The following HVCN1 variants were observed in gnomAD, a reference collection of about 807,000 sequenced individuals.
HVCN1 encodes hydrogen voltage gated channel 1.
In HVCN1, 14 loss-of-function variants were observed where a neutral mutation model predicts 29.2. That is an observed-to-expected ratio of 0.48 (90% confidence interval 0.32 to 0.75). The LOEUF (loss-of-function observed/expected upper bound fraction) is 0.75. Among genes scored for constraint, HVCN1 ranks in the 30% least tolerant of loss-of-function variants. The probability of loss-of-function intolerance (pLI) is 0.04; values close to 1 mark genes in which losing one functional copy is unlikely to be tolerated. For missense variants in HVCN1, 263 were observed against 341.8 expected, an observed-to-expected ratio of 0.77 and a Z score of 1.82; for synonymous variants, 131 against 133.2, an observed-to-expected ratio of 0.98 and a Z score of 0.11.
chr12:110,652,443 C>T (rs953176769), intron 5 of HVCN1, among the ~76,000 whole-genome samples: 11 of 151,988 alleles, frequency 7.2e-5, no homozygotes, highest in African/African-American at 1.5e-4. Flanking sequence ...TAACCATTTC[C>T]AGATCTGAGG....
chr12:110,649,170 T>G lies in HVCN1; in HGVS notation c.*240A>C. 1 of 680,422 alleles carries G rather than the reference T, an allele frequency of 1.5e-6. No homozygotes were observed. The highest frequency in any genetic ancestry group is 2.7e-6 in the Non-Finnish European group (1 of 376,608). 42.1% of individuals were successfully genotyped at this position (680,422 alleles called of 1,614,324 possible). ...TGCTCATTTTCAATTAAGGCTAAAG[T>G]GTTCAACATGAGAAAATGTGATACA... On this transcript the variant is annotated 3_prime_UTR_variant, in exon 8 of 8. Coordinates refer to ENST00000242607, the MANE Select transcript of HVCN1 (RefSeq NM_032369.4).
At chr12:110,670,278 T>G (rs185999704) in intron 3 of HVCN1, among the ~76,000 whole-genome samples, 62 of 152,302 alleles carry the variant, frequency 4.1e-4, no homozygotes, top group Admixed American at 1.6e-3. Context: ...CATTGTTATC[T>G]GACAATCGGA....
upstream of HVCN1, among the ~76,000 whole-genome samples, chr12:110,691,265 G>T (rs1041135240): frequency 6.6e-6 from 1 of 151,588 alleles, no homozygotes; most frequent in Non-Finnish European, 1.5e-5. Context: ...GGGTTTCACC[G>T]TGTTAACCAG....
chr12:110,663,069 T>C (rs1025547301), intron 3 of HVCN1, among the ~76,000 whole-genome samples: 1 of 152,132 alleles, frequency 6.6e-6, no homozygotes, highest in Non-Finnish European at 1.5e-5. Flanking sequence ...TTGGCAAGTG[T>C]CTTAAAGTCT....
chr12:110,675,541 T>G (rs2068724076), intron 3 of HVCN1, among the ~76,000 whole-genome samples: 1 of 152,226 alleles, frequency 6.6e-6, no homozygotes, highest in Non-Finnish European at 1.5e-5. Flanking sequence ...GCTAGCTTTG[T>G]TCTTTTCTCT....
intron 2 of HVCN1, among the ~76,000 whole-genome samples, chr12:110,702,031 G>A (rs913843156): frequency 8.1e-5 from 12 of 148,410 alleles, no homozygotes; most frequent in Admixed American, 4.0e-4. Flanking sequence ...CTGCAACCTC[G>A]CCTCCCGGGT....
chr12:110,655,278 C>G lies in HVCN1; in HGVS notation c.367G>C (p.Asp123His). 3 of 1,613,838 alleles carry G rather than the reference C, an allele frequency of 1.9e-6. No homozygotes were observed. The highest frequency in any genetic ancestry group is 2.5e-6 in the Non-Finnish European group (3 of 1,179,950). The stretch of plus-strand genomic sequence containing the variant: ...TTGTCGGGCTGGATGATCTTCAGGT[C>G]CAGGATGAGCTCAGCAAGCACCAGG... ...ALLVLAELIL[D>H]LKIIQPDKNN... Residue 123 changes from aspartate (D) to histidine (H), a missense_variant, in exon 5 of 8, where the codon GAC (aspartate) becomes CAC (histidine). Physicochemically the swap from Asp to His is moderately conservative, Grantham distance 81. This residue lies in a region of HVCN1 where 157 missense variants were observed against 181.3 expected (regional missense o/e 0.87). Coordinates refer to ENST00000242607, the MANE Select transcript of HVCN1 (RefSeq NM_032369.4).
At chr12:110,692,925 G>T (rs1009615904), upstream of HVCN1, among the ~76,000 whole-genome samples, 49 of 152,216 alleles carry the variant, frequency 3.2e-4, no homozygotes, top group African/African-American at 1.2e-3. Context: ...GAATGCAGTG[G>T]CTCGAGCACA....
In HVCN1 at chr12:110,649,520, C is replaced by T. The variant is rs371157846; in HGVS notation, c.757-45G>A. 2.2e-4 allele frequency: 311 copies of T among 1,416,382 alleles called. 4 individuals are homozygous for T. In the South Asian group the frequency reaches 3.5e-3, roughly 16 times the overall value. 87.7% of individuals were successfully genotyped at this position (1,416,382 alleles called of 1,614,324 possible). A position where few individuals can be genotyped will look rare whatever the true frequency, so the allele number is the denominator to read the frequency against. ...ACACTGGAATTTACTTTGAGCCTCGCCAGGGATGTGACAATCAATCATTCA... is the reference window on the plus strand; with the variant it reads ...ACACTGGAATTTACTTTGAGCCTCGTCAGGGATGTGACAATCAATCATTCA... On this transcript the variant is annotated intron_variant, in intron 7 of 7. Transcript: ENST00000242607.
At chr12:110,698,298 C>G (rs1305621719) in intron 2 of HVCN1, among the ~76,000 whole-genome samples, 5 of 152,222 alleles carry the variant, frequency 3.3e-5, no homozygotes, top group Admixed American at 6.5e-5. Flanking sequence ...CTATGCCCAG[C>G]CTTTCCTGTC....
upstream of HVCN1, among the ~76,000 whole-genome samples, chr12:110,691,219 C>A (rs145379881): frequency 6.6e-6 from 1 of 152,096 alleles, no homozygotes; most frequent in African/African-American, 2.4e-5. Flanking sequence ...CCCGCCACCA[C>A]GCTCGGTTAA....
At position 110,648,856 on chromosome 12, in the gene HVCN1, A is replaced by G; in HGVS notation, c.*554T>C. 2.7e-6 allele frequency: 1 copy of G among 373,184 alleles called. No individual in the cohort carries two copies. The allele number at this position is 373,184 out of a possible 1,614,324, so 23.1% of individuals were successfully genotyped here. On this transcript the variant is annotated 3_prime_UTR_variant, in exon 8 of 8. Coordinates refer to ENST00000242607, the MANE Select transcript of HVCN1 (RefSeq NM_032369.4). ...GTAGTTGTACAGTAATTGAGGAAAA[A>G]TGTTGTCAGGTGGCAGAAAACAATG...
At chr12:110,652,826 T>G (rs1241341290) in intron 5 of HVCN1, among the ~76,000 whole-genome samples, 3 of 152,186 alleles carry the variant, frequency 2.0e-5, no homozygotes, top group Non-Finnish European at 4.4e-5. Flanking sequence ...GAAGAGGATA[T>G]TTGCATGCTA....
chr12:110,682,357 G>T (rs932328226), intron 3 of HVCN1, among the ~76,000 whole-genome samples: 1 of 151,970 alleles, frequency 6.6e-6, no homozygotes, highest in African/African-American at 2.4e-5. Context: ...ATGTCACCAC[G>T]CCTGGCTAAT....
In HVCN1 at chr12:110,658,990, G is replaced by C. The variant is rs1436117451; in HGVS notation, c.306+2174C>G. Reference sequence around the variant, plus strand: ...GGGGCGGCCCAGGGCTCCCCTTGCAGCTGCAAGGAAGCTGTTTCCTTCCTT... The same window carrying C: ...GGGGCGGCCCAGGGCTCCCCTTGCACCTGCAAGGAAGCTGTTTCCTTCCTT... On this transcript the variant is annotated intron_variant, in intron 4 of 7. Transcript: ENST00000242607. The surrounding 1 kb of genome is among the most constrained non-coding windows in gnomAD (Gnocchi z 5.0). Among the ~76,000 whole-genome samples, 1 of 152,238 alleles carries C rather than the reference G, an allele frequency of 6.6e-6. No homozygotes were observed. The highest frequency in any genetic ancestry group is 2.4e-5 in the African/African-American group (1 of 41,466).
At chr12:110,690,067 A>C (rs1053118233), upstream of HVCN1, among the ~76,000 whole-genome samples, 2 of 152,216 alleles carry the variant, frequency 1.3e-5, no homozygotes, top group African/African-American at 4.8e-5. Flanking sequence ...CCTGGAGGCC[A>C]GAAGTCTCAG....
intron 7 of HVCN1, among the ~76,000 whole-genome samples, chr12:110,649,779 A>AC (rs2067703968): frequency 6.6e-6 from 1 of 152,186 alleles, no homozygotes; most frequent in Non-Finnish European, 1.5e-5. Flanking sequence ...CAGCCCAGGG[A>AC]AGGGCGCTCT....
chr12:110,665,153 A>G (rs780327207), intron 3 of HVCN1, among the ~76,000 whole-genome samples: 7 of 152,210 alleles, frequency 4.6e-5, no homozygotes, highest in Non-Finnish European at 1.0e-4. Context: ...TAGGAAGACA[A>G]CAACATAAAC....
At chr12:110,649,576 A>G (rs2067688086) in intron 7 of HVCN1, 101 bp from the exon 8 acceptor site, 2 of 827,058 alleles carry the variant, frequency 2.4e-6, no homozygotes, top group East Asian at 5.3e-5. Flanking sequence ...CACAGAGATG[A>G]ATGAAAGCTA....
Sources: allele counts gnomAD v4.1 joint callset (sites outside exome capture counted in the v4.1 genomes callset), GRCh38; gene constraint gnomAD v4.1.1; regional missense constraint gnomAD v4.1.1; non-coding constraint Gnocchi (gnomAD v3.1); transcripts MANE v1.5; gene names NCBI Gene and HGNC (gene_info 2026-07-23, HGNC 2026-07-21).